Variants in RNF213 observed in about 807,000 individuals in gnomAD.
RNF213 encodes the protein ring finger protein 213, also known as E3 ubiquitin-protein ligase RNF213.
In RNF213, 341 loss-of-function variants were observed where a neutral mutation model predicts 514.4. The ratio of observed to expected loss-of-function variants is 0.66; its 90% CI spans 0.61 to 0.73. The LOEUF (loss-of-function observed/expected upper bound fraction) is 0.73. RNF213 is among the 30% of genes least tolerant of loss of function. The probability of loss-of-function intolerance (pLI) is 0.00; values close to 1 mark genes in which losing one functional copy is unlikely to be tolerated. For missense variants in RNF213, 5,767 were observed against 6,615.6 expected, an observed-to-expected ratio of 0.87 and a Z score of 4.45; for synonymous variants, 2,655 against 2,658.2, an observed-to-expected ratio of 1.00 and a Z score of 0.04.
At position 80,337,926 on chromosome 17, in the gene RNF213, C is replaced by G; in HGVS notation, c.4762C>G (p.Leu1588Val). 2 of 1,537,274 alleles carry G rather than the reference C, an allele frequency of 1.3e-6. No individual in the cohort carries two copies. The highest frequency in any genetic ancestry group is 1.7e-6 in the Non-Finnish European group (2 of 1,146,900). ...REYSLEEVKE[L>V]LNKLMLMSGK... ...GTACTCTTTAGAGGAGGTGAAGGAG[C>G]TTTTGAACAAGTTGATGCTGATGTC... is the stretch of plus-strand genomic sequence containing the variant. The change falls in exon 25 of 68, where the codon CTT becomes GTT. Residue 1588 changes from leucine (L) to valine (V), a missense_variant. Around this residue, in one of 13 missense-constraint regions of RNF213, gnomAD observed 1,377 missense variants for 1,635.2 expected, o/e 0.84. Transcript: ENST00000582970.
chr17:80,289,886 G>C (rs769490305), intron 6 of RNF213, 49 bp downstream of exon 6: 1 of 1,543,278 alleles, frequency 6.5e-7, no homozygotes, highest in Non-Finnish European at 8.8e-7. Flanking sequence ...CTGAGAGCCC[G>C]GCACACCCTC....
At chr17:80,333,883 C>G in intron 21 of RNF213, 1 of 562,324 alleles carries the variant, frequency 1.8e-6, no homozygotes, top group Non-Finnish European at 3.2e-6. Flanking sequence ...AGCAGAATAT[C>G]AGGTTCCCAG....
chr17:80,342,744 T>TAA (rs1491418749), intron 26 of RNF213, among the ~76,000 whole-genome samples: 1 of 145,842 alleles, frequency 6.9e-6, no homozygotes, highest in African/African-American at 2.5e-5. Context: ...TATATATATA[T>TAA]TGTATGTATA....
chr17:80,309,259 C>A (rs1479045195), intron 14 of RNF213, 88 bp downstream of exon 14: 7 of 1,512,186 alleles, frequency 4.6e-6, no homozygotes, highest in Middle Eastern at 1.7e-4. Flanking sequence ...CAGACTGATT[C>A]CCGGGTGCTG....
At chr17:80,270,812 G>T (rs139518561) in intron 2 of RNF213, among the ~76,000 whole-genome samples, 1 of 152,172 alleles carries the variant, frequency 6.6e-6, no homozygotes, top group East Asian at 1.9e-4. Context: ...CCAAGTCCAG[G>T]CTTGAGGGGT....
At chr17:80,269,511 TATCC>T (rs1026846164) in intron 2 of RNF213, among the ~76,000 whole-genome samples, 4 of 151,750 alleles carry the variant, frequency 2.6e-5, no homozygotes, top group East Asian at 2.0e-4. Context: ...CTATTCTATC[TATCC>T]ATCCATCCTC....
rs1005230537 is a variant in RNF213 at position 80,264,741 on chromosome 17, C to G, written c.97+963C>G. Among the ~76,000 whole-genome samples the G allele has an allele frequency of 6.6e-6, 1 of 152,220 alleles. No individual in the cohort carries two copies. The highest frequency in any genetic ancestry group is 2.1e-4 in the South Asian group (1 of 4,824). ...AAACCACAGACCCCCTTACAAGATC[C>G]GCCCCTGCCCCCGCTGTAACTCAGG... On this transcript the variant is annotated intron_variant, in intron 2 of 67. Transcript: ENST00000582970. The surrounding 1 kb of genome is among the most constrained non-coding windows in gnomAD (Gnocchi z 5.0).
rs923061854 is a variant in RNF213 at position 80,383,567 on chromosome 17, G to A, written c.14071-110G>A. On this transcript the variant is annotated intron_variant, in intron 58 of 67. Coordinates refer to ENST00000582970, the MANE Select transcript of RNF213 (RefSeq NM_001256071.3). ...TACCTGATTACATGCTCAGAGCAGGGGACAAACGCCCTAATATGCAGACAC... is the reference window on the plus strand; with the variant it reads ...TACCTGATTACATGCTCAGAGCAGGAGACAAACGCCCTAATATGCAGACAC... 1.4e-5 allele frequency: 16 copies of A among 1,127,362 alleles called. No individual in the cohort carries two copies. The African/African-American group carries it at 2.1e-4, about 15-fold the overall frequency. The allele number at this position is 1,127,362 out of a possible 1,614,324, so 69.8% of individuals were successfully genotyped here.
At chr17:80,313,579 A>AGGTGGTGGAGGTGATGGT (rs1181438370) in intron 15 of RNF213, among the ~76,000 whole-genome samples, 99 of 103,728 alleles carry the variant, frequency 9.5e-4, no homozygotes, top group African/African-American at 3.7e-3. Context: ...GTGGTCATGG[A>AGGTGGTGGAGGTGATGGT]GGTGGTGGAG....
At chr17:80,271,699 C>A (rs553841918) in intron 2 of RNF213, among the ~76,000 whole-genome samples, 160 of 152,280 alleles carry the variant, frequency 1.1e-3, no homozygotes, top group Non-Finnish European at 2.0e-3. Flanking sequence ...AAAGAAAAGG[C>A]CGGGTGTGGT....
intron 13 of RNF213, among the ~76,000 whole-genome samples, chr17:80,308,365 C>G (rs771824327): frequency 2.0e-5 from 3 of 152,084 alleles, no homozygotes; most frequent in Non-Finnish European, 2.9e-5. Flanking sequence ...CATCAACTCT[C>G]CTCTTAAGCT....
intron 11 of RNF213, among the ~76,000 whole-genome samples, chr17:80,304,943 C>T (rs942777198): frequency 5.3e-5 from 8 of 152,290 alleles, no homozygotes; most frequent in South Asian, 2.1e-4. Flanking sequence ...GGGGACCTCA[C>T]GTGAGTGGAA....
rs775728351 is a variant in RNF213, at chr17:80,353,079, C to T, written c.10423+20C>T. ...CTGAGCGTGAGTCACGAGGCGGAGC[C>T]CCTGGGGGAGCAGGTGGTGGAAGGG... On this transcript the variant is annotated intron_variant, in intron 33 of 67. Coordinates refer to ENST00000582970, the MANE Select transcript of RNF213 (RefSeq NM_001256071.3). This position sits in a 1 kb window ranked among gnomAD's most constrained non-coding sequence, Gnocchi z 5.0. 5 of 1,609,640 alleles carry T rather than the reference C, an allele frequency of 3.1e-6. No homozygotes were observed. In the East Asian group the frequency reaches 6.7e-5, roughly 22 times the overall value.
intron 15 of RNF213, among the ~76,000 whole-genome samples, chr17:80,313,710 ATGGAGGTGGTGG>A (rs2045671260): frequency 2.2e-5 from 1 of 44,706 alleles, no homozygotes; most frequent in Non-Finnish European, 4.8e-5. Flanking sequence ...GATGGTGGTG[ATGGAGGTGGTGG>A]TGGTGGAGGT....
intron 36 of RNF213, chr17:80,355,062 T>A: frequency 2.7e-6 from 1 of 374,768 alleles, no homozygotes; most frequent in South Asian, 2.0e-5. Context: ...TTATCTTGGA[T>A]GTGGCCGTGT....
chr17:80,347,961 G>A lies in RNF213; in HGVS notation c.9626G>A (p.Arg3209Lys), dbSNP rs1220196892. 6.2e-7 allele frequency: 1 copy of A among 1,614,038 alleles called. No homozygotes were observed. The highest frequency in any genetic ancestry group is 2.2e-5 in the East Asian group (1 of 44,876). ...GTCAAAGCACATCATTTCCAGAAGA[G>A]GCACAAATACAGCCCCTCTGACGTC... ...INVKAHHFQKRHKYSPSDVFI... is the reference protein window; with the variant it reads ...INVKAHHFQKKHKYSPSDVFI... The change falls in exon 29 of 68, where the codon AGG (arginine) becomes AAG (lysine). Residue 3209 changes from arginine to lysine, a missense_variant. Arg to Lys is a conservative substitution (Grantham distance 26). Transcript: ENST00000582970. This position sits in a 1 kb window ranked among gnomAD's most constrained non-coding sequence, Gnocchi z 7.2.
Position 80,371,953 on chromosome 17 carries a change from G to GAACT in RNF213, c.12506_12509dup (p.Tyr4171ThrfsTer15). 6.3e-7 allele frequency: 1 copy of GAACT among 1,594,974 alleles called. No homozygotes were observed. The highest frequency in any genetic ancestry group is 8.6e-7 in the Non-Finnish European group (1 of 1,162,604). On this transcript the variant is annotated frameshift_variant, in exon 47 of 68. Transcript: ENST00000582970. LOFTEE classifies it high-confidence loss of function. ...AGCATTCATAACTGAAGATAAAACTGAACTGTACATGCTCTTCATCAACTG... is the reference window on the plus strand; with the variant it reads ...AGCATTCATAACTGAAGATAAAACTGAACTAACTGTACATGCTCTTCATCAACTG...
chr17:80,288,760 G>T lies in RNF213; in HGVS notation c.933+5G>T. The T allele has an allele frequency of 1.9e-6, 3 of 1,614,050 alleles. No homozygotes were observed. The highest frequency in any genetic ancestry group is 2.5e-6 in the Non-Finnish European group (3 of 1,180,034). ...CCTTTCAAAACACACTGCCAGGTGC[G>T]TCTCCTTCCTGCCTGCCGGCTCCAG... On this transcript the variant is annotated splice_donor_5th_base_variant and intron_variant, in intron 5 of 67. Transcript: ENST00000582970. The surrounding 1 kb of genome is among the most constrained non-coding windows in gnomAD (Gnocchi z 4.9).
In RNF213 at chr17:80,288,728, C is replaced by T. The variant is rs1373575458; in HGVS notation, c.906C>T (p.Thr302=). 5 of 1,614,082 alleles carry T rather than the reference C, an allele frequency of 3.1e-6. No homozygotes were observed. The highest frequency in any genetic ancestry group is 3.3e-5 in the Admixed American group (2 of 60,012). Residue 302 remains threonine (T), a synonymous_variant, in exon 5 of 68, where the codon ACC becomes ACT. Coordinates refer to ENST00000582970, the MANE Select transcript of RNF213 (RefSeq NM_001256071.3). The surrounding 1 kb of genome is among the most constrained non-coding windows in gnomAD (Gnocchi z 4.9). ...AGAGAATGAAACAGCCACCAGCAACCACTCCTCCTTTCAAAACACACTGCC... is the reference window on the plus strand; with the variant it reads ...AGAGAATGAAACAGCCACCAGCAACTACTCCTCCTTTCAAAACACACTGCC... ...KTQRMKQPPA[T]TPPFKTHCQE...
Sources: gnomAD v4.1 joint callset for allele counts (sites outside exome capture counted in the v4.1 genomes callset) on GRCh38, gnomAD v4.1.1 for gene constraint, gnomAD v4.1.1 regional missense constraint, Gnocchi (gnomAD v3.1) non-coding constraint, MANE v1.5 for transcripts, NCBI Gene and HGNC (gene_info 2026-07-23, HGNC 2026-07-21) for gene names.